SNAP23: variants seen among roughly 807,000 people sequenced by gnomAD.
SNAP23 encodes the protein synaptosome associated protein 23.
A neutral mutation model predicts 29.0 loss-of-function variants in SNAP23; 11 were observed. The ratio of observed to expected loss-of-function variants is 0.38; its 90% CI spans 0.24 to 0.63. The LOEUF (loss-of-function observed/expected upper bound fraction) is 0.63. SNAP23 is among the 20% of genes least tolerant of loss of function. The probability of loss-of-function intolerance (pLI) is 0.58; values close to 1 mark genes in which losing one functional copy is unlikely to be tolerated. For missense variants in SNAP23, 220 were observed against 253.9 expected (o/e 0.87, Z 0.91); for synonymous variants, 60 against 82.9 (o/e 0.72, Z 1.50).
intron 5 of SNAP23, chr15:42,521,403 A>G: frequency 2.1e-6 from 2 of 958,680 alleles, no homozygotes; most frequent in Non-Finnish European, 2.5e-6. Flanking sequence ...GAAAAATGAA[A>G]TGTGCTCTGG....
chr15:42,520,655 T>C (rs546937825), intron 5 of SNAP23, among the ~76,000 whole-genome samples: 11 of 152,022 alleles, frequency 7.2e-5, no homozygotes, highest in Non-Finnish European at 1.2e-4. Context: ...CCACCACACC[T>C]GGCTAATTTT....
intron 1 of SNAP23, among the ~76,000 whole-genome samples, chr15:42,496,458 T>C (rs892635676): frequency 6.6e-5 from 10 of 152,194 alleles, no homozygotes; most frequent in Non-Finnish European, 1.5e-4. Flanking sequence ...GGCTAACGCC[T>C]GTAATCCCAG....
chr15:42,506,366 T>C (rs140910780), intron 1 of SNAP23, among the ~76,000 whole-genome samples: 62 of 152,248 alleles, frequency 4.1e-4, no homozygotes, highest in African/African-American at 1.4e-3. Context: ...GTCTCCCAAG[T>C]AGCTGGGACT....
intron 1 of SNAP23, among the ~76,000 whole-genome samples, chr15:42,499,478 A>C (rs79213347): frequency 0.053 from 8,076 of 152,248 alleles, 281 homozygotes; most frequent in Non-Finnish European, 0.082. Context: ...TTCACCTATG[A>C]GTCATACCAC....
At chr15:42,520,530 T>C (rs1241287856) in intron 5 of SNAP23, among the ~76,000 whole-genome samples, 1 of 152,118 alleles carries the variant, frequency 6.6e-6, no homozygotes, top group Non-Finnish European at 1.5e-5. Flanking sequence ...TGTCTCGCTC[T>C]GTTGCCCAGG....
At chr15:42,493,348 C>A (rs575655944), upstream of SNAP23, among the ~76,000 whole-genome samples, 417 of 151,482 alleles carry the variant, frequency 2.8e-3, 2 homozygotes, top group African/African-American at 6.8e-3. Context: ...CTCTCTCTCT[C>A]TCTCTCTATA....
chr15:42,506,496 C>G (rs1348706915), intron 1 of SNAP23, among the ~76,000 whole-genome samples: 2 of 152,214 alleles, frequency 1.3e-5, no homozygotes, highest in Non-Finnish European at 2.9e-5. Flanking sequence ...CCTCAGCCCT[C>G]AAAAGTGCCA....
intron 1 of SNAP23, among the ~76,000 whole-genome samples, chr15:42,496,698 CAG>C (rs1249156526): frequency 1.3e-5 from 2 of 151,948 alleles, no homozygotes; most frequent in East Asian, 3.9e-4. Context: ...GCCTGGGAGA[CAG>C]AGTCAGGCTC....
chr15:42,494,055 A>T (rs1282565165), upstream of SNAP23, among the ~76,000 whole-genome samples: 1 of 151,582 alleles, frequency 6.6e-6, no homozygotes, highest in Non-Finnish European at 1.5e-5. Flanking sequence ...TTATTCAACC[A>T]TTTTTTTCTC....
At chr15:42,495,314 T>G (rs147305138), upstream of SNAP23, 1 of 152,326 alleles carries the variant, frequency 6.6e-6, no homozygotes, top group Non-Finnish European at 1.5e-5. Context: ...CTATAATTTG[T>G]TTACATATCT....
chr15:42,520,762 G>A (rs2057442335), intron 5 of SNAP23, among the ~76,000 whole-genome samples: 1 of 152,184 alleles, frequency 6.6e-6, no homozygotes, highest in South Asian at 2.1e-4. Context: ...CCAAAGTGTT[G>A]GGATTACAGG....
At chr15:42,523,546 C>T (rs1169685221) in intron 5 of SNAP23, among the ~76,000 whole-genome samples, 1 of 152,166 alleles carries the variant, frequency 6.6e-6, no homozygotes, top group Non-Finnish European at 1.5e-5. Context: ...GAACTGTTGA[C>T]TAAAGGTCAG....
rs561563480 is a variant in SNAP23, at chr15:42,524,462, G to C, written c.267-3800G>C. ...AGGTGAGCATTATTGCCTGAGCTCT[G>C]CCTCCTCTCAGATCAGCAGTGGCAT... On this transcript the variant is annotated intron_variant, in intron 5 of 7. Transcript: ENST00000249647. 6.2e-4 allele frequency among the ~76,000 whole-genome samples: 94 copies of C among 152,240 alleles called. 1 individual carries two copies. In the South Asian group the frequency reaches 0.016, roughly 25 times the overall value.
At chr15:42,525,367 C>CAA (rs1208171591) in intron 5 of SNAP23, among the ~76,000 whole-genome samples, 37 of 60,390 alleles carry the variant, frequency 6.1e-4, no homozygotes, top group African/African-American at 1.7e-3. Flanking sequence ...GACTCCGTCT[C>CAA]AAAAAAAAAA....
At chr15:42,518,490 C>T (rs902494230) in intron 5 of SNAP23, among the ~76,000 whole-genome samples, 5 of 145,288 alleles carry the variant, frequency 3.4e-5, no homozygotes, top group African/African-American at 1.3e-4. Context: ...GGCTGGAGTG[C>T]AGTGGCAGTC....
At chr15:42,521,514 T>C in intron 5 of SNAP23, 1 of 1,422,994 alleles carries the variant, frequency 7.0e-7, no homozygotes, top group Non-Finnish European at 9.2e-7. Context: ...TTTTAAAACT[T>C]TAAACCTGCT....
At position 42,528,368 on chromosome 15, in the gene SNAP23, G is replaced by T; in HGVS notation, c.373G>T (p.Gly125Cys). 1 of 1,614,072 alleles carries T rather than the reference G, an allele frequency of 6.2e-7. No individual in the cohort carries two copies. Among genetic ancestry groups the T allele is most frequent in the Non-Finnish European group, 8.5e-7 (1 of 1,179,996 alleles). ...TAAACAGCCAGGCCCGGTGACAAAT[G>T]GTCAGCTTCAGCAACCAACAACGGG... ...VSKQPGPVTN[G>C]QLQQPTTGAA... The change falls in exon 6 of 8, where the codon GGT becomes TGT. Residue 125 changes from glycine to cysteine, a missense_variant. Physicochemically the swap from Gly to Cys is radical, Grantham distance 159. Coordinates refer to ENST00000249647, the MANE Select transcript of SNAP23 (RefSeq NM_003825.4).
At chr15:42,518,861 A>T (rs2057419830) in intron 5 of SNAP23, among the ~76,000 whole-genome samples, 2 of 151,812 alleles carry the variant, frequency 1.3e-5, no homozygotes. Flanking sequence ...AATTGGTTTC[A>T]CTACAGAAAT....
chr15:42,527,181 T>C (rs1353607084), intron 5 of SNAP23, among the ~76,000 whole-genome samples: 4 of 152,168 alleles, frequency 2.6e-5, no homozygotes, highest in Admixed American at 2.0e-4. Context: ...GAAAAACTCC[T>C]ACACTACAGG....
Sources: allele counts gnomAD v4.1 joint callset (sites outside exome capture counted in the v4.1 genomes callset), GRCh38; gene constraint gnomAD v4.1.1; transcripts MANE v1.5; gene names NCBI Gene and HGNC (gene_info 2026-07-23, HGNC 2026-07-21).